The following ARHGAP6 variants were observed in gnomAD, a reference collection of about 807,000 sequenced individuals.
The protein encoded by ARHGAP6 is Rho GTPase activating protein 6.
A neutral mutation model predicts 55.7 loss-of-function variants in ARHGAP6; 16 were observed. The ratio of observed to expected loss-of-function variants is 0.29; its 90% confidence interval spans 0.19 to 0.44. ARHGAP6 has a LOEUF of 0.44. Among genes scored for constraint, ARHGAP6 ranks in the 20% least tolerant of loss-of-function variants. The pLI is 1.00. For missense variants in ARHGAP6, 698 were observed against 808.9 expected, an observed-to-expected ratio of 0.86 and a Z score of 1.66; for synonymous variants, 382 against 360.9, an observed-to-expected ratio of 1.06 and a Z score of -0.66.
intron 2 of ARHGAP6, among the ~76,000 whole-genome samples, chrX:11,211,222 GTTTTTTT>G (rs1231718233): frequency 1.1e-5 from 1 of 91,930 alleles, no homozygotes; most frequent in African/African-American, 4.0e-5. Flanking sequence ...GAGAACTGCT[GTTTTTTT>G]TTTTTTTTTT....
rs1383157068 is a variant in ARHGAP6, at chrX:11,565,220, G to T, written c.588+99021C>A. 5.4e-5 allele frequency among the ~76,000 whole-genome samples: 6 copies of T among 111,857 alleles called. No individual in the cohort carries two copies. The Admixed American group carries it at 5.7e-4, about 11-fold the overall frequency. On this transcript the variant is annotated intron_variant, in intron 1 of 12. Transcript: ENST00000337414. The stretch of plus-strand genomic sequence containing the variant: ...TTTGAGGGTCATCACATCTCCAGTT[G>T]CTATTTCTCCCTGATTCTATTGCCC...
At chrX:11,539,775 G>C (rs1287931221) in intron 1 of ARHGAP6, among the ~76,000 whole-genome samples, 3 of 111,726 alleles carry the variant, frequency 2.7e-5, no homozygotes, top group Non-Finnish European at 5.6e-5. Context: ...CCTCACTCTG[G>C]CAAAGGATAC....
At position 11,393,769 on chromosome X, in the gene ARHGAP6, C is replaced by T. The variant is rs1026621341; in HGVS notation, c.589-139062G>A. Among the ~76,000 whole-genome samples the T allele has an allele frequency of 4.5e-5, 5 of 111,426 alleles. No homozygotes were observed. In the Admixed American group the frequency reaches 4.8e-4, roughly 11 times the overall value. On this transcript the variant is annotated intron_variant, in intron 1 of 12. Transcript: ENST00000337414. ...CTTTGAGAGGCAGAGCTAGGATTTC[C>T]ACTGAGAGCTGTCTCAGCCCAGAGC... is the stretch of plus-strand genomic sequence containing the variant.
At chrX:11,304,818 C>G (rs1377405029) in intron 1 of ARHGAP6, among the ~76,000 whole-genome samples, 1 of 72,585 alleles carries the variant, frequency 1.4e-5, no homozygotes, top group Non-Finnish European at 2.4e-5. Flanking sequence ...GATGGAGTCT[C>G]GCTCTGTCGC....
intron 1 of ARHGAP6, among the ~76,000 whole-genome samples, chrX:11,601,189 G>T (rs955618793): frequency 1.8e-5 from 2 of 111,554 alleles, no homozygotes; most frequent in Non-Finnish European, 3.8e-5. Context: ...AGTCCTAAAG[G>T]ATTGTAGGAG....
chrX:11,381,678 G>A (rs763949423), intron 1 of ARHGAP6, among the ~76,000 whole-genome samples: 7 of 111,992 alleles, frequency 6.3e-5, no homozygotes, highest in South Asian at 3.8e-4. Context: ...TTCTCACAGA[G>A]TCACACATAT....
chrX:11,641,079 G>GA (rs34337605), intron 1 of ARHGAP6, among the ~76,000 whole-genome samples: 1 of 108,915 alleles, frequency 9.2e-6, no homozygotes, highest in Non-Finnish European at 1.9e-5. Context: ...TAGTAAGTGG[G>GA]AAAAAAATAT....
chrX:11,600,415 CA>C (rs1255565166), intron 1 of ARHGAP6, among the ~76,000 whole-genome samples: 1 of 112,112 alleles, frequency 8.9e-6, no homozygotes, highest in Non-Finnish European at 1.9e-5. Context: ...AGCAGAATAA[CA>C]AAGTCTTTTA....
At chrX:11,663,397 G>A (rs1005353403) in intron 1 of ARHGAP6, among the ~76,000 whole-genome samples, 1 of 112,033 alleles carries the variant, frequency 8.9e-6, no homozygotes, top group Admixed American at 9.4e-5. Context: ...TTTGTGGACC[G>A]AAGGGGATAG....
intron 1 of ARHGAP6, among the ~76,000 whole-genome samples, chrX:11,443,210 T>C (rs935873127): frequency 2.7e-5 from 3 of 112,688 alleles, no homozygotes; most frequent in Non-Finnish European, 5.6e-5. Context: ...GTCAATATTA[T>C]ATGTTGTAGC....
chrX:11,446,893 T>C (rs1019031102), intron 1 of ARHGAP6, among the ~76,000 whole-genome samples: 1 of 111,902 alleles, frequency 8.9e-6, no homozygotes, highest in Non-Finnish European at 1.9e-5. Flanking sequence ...AGATTTTTTT[T>C]GGCCAGGCCA....
chrX:11,532,509 A>T (rs2051061215), intron 1 of ARHGAP6, among the ~76,000 whole-genome samples: 1 of 112,460 alleles, frequency 8.9e-6, no homozygotes, highest in African/African-American at 3.2e-5. Context: ...CTAGAAAAAA[A>T]CTTCCCATGC....
chrX:11,321,427 A>G (rs912028841), intron 1 of ARHGAP6, among the ~76,000 whole-genome samples: 1 of 112,019 alleles, frequency 8.9e-6, no homozygotes, highest in East Asian at 2.8e-4. Flanking sequence ...TTTTCTAAAA[A>G]TAGTAATATT....
chrX:11,660,675 G>C (rs1299889465), intron 1 of ARHGAP6, among the ~76,000 whole-genome samples: 2 of 106,777 alleles, frequency 1.9e-5, no homozygotes, highest in East Asian at 3.0e-4. Flanking sequence ...GCCCTAACCT[G>C]CTCCTCCAAA....
intron 1 of ARHGAP6, among the ~76,000 whole-genome samples, chrX:11,311,993 T>TAA (rs201708491): frequency 2.9e-4 from 31 of 107,761 alleles, no homozygotes; most frequent in African/African-American, 8.7e-4. Context: ...ATGAGGCTGA[T>TAA]AAAAAAAAAA....
At chrX:11,639,675 C>G (rs138628036) in intron 1 of ARHGAP6, among the ~76,000 whole-genome samples, 1,842 of 110,037 alleles carry the variant, frequency 0.017, 33 homozygotes, top group African/African-American at 0.057. Context: ...ATATACTTTA[C>G]AGTATATATC....
At chrX:11,428,024 C>G (rs1177007564) in intron 1 of ARHGAP6, among the ~76,000 whole-genome samples, 1 of 112,624 alleles carries the variant, frequency 8.9e-6, no homozygotes, top group African/African-American at 3.2e-5. Flanking sequence ...CCTGCCACCC[C>G]ACCCTCCCCG....
At chrX:11,207,387 C>T (rs746923486) in intron 2 of ARHGAP6, among the ~76,000 whole-genome samples, 37 of 111,631 alleles carry the variant, frequency 3.3e-4, no homozygotes, top group Non-Finnish European at 1.7e-4. Flanking sequence ...ACTTGGTGTG[C>T]TCTAAATTGT....
chrX:11,401,214 C>T (rs1051349212), intron 1 of ARHGAP6, among the ~76,000 whole-genome samples: 1 of 111,062 alleles, frequency 9.0e-6, no homozygotes, highest in Non-Finnish European at 1.9e-5. Context: ...TCCAGCCTCC[C>T]GCCCAATGAA....
Sources: gnomAD v4.1 joint callset for allele counts (sites outside exome capture counted in the v4.1 genomes callset) on GRCh38, gnomAD v4.1.1 for gene constraint, MANE v1.5 for transcripts, NCBI Gene and HGNC (gene_info 2026-07-23, HGNC 2026-07-21) for gene names.